Variants in ARL13B observed in about 807,000 individuals in gnomAD.
The protein encoded by ARL13B is ADP-ribosylation factor-like protein 13B.
A neutral mutation model predicts 56.1 loss-of-function variants in ARL13B; 36 were observed. The observed-to-expected ratio is 0.64, with a 90% CI of 0.49 to 0.85. The LOEUF (loss-of-function observed/expected upper bound fraction) is 0.85, where lower values mean the gene tolerates loss of function less well. ARL13B is among the 40% of genes least tolerant of loss of function. The probability of loss-of-function intolerance (pLI) is 0.00; values close to 1 mark genes in which losing one functional copy is unlikely to be tolerated. For synonymous variants in ARL13B, 178 were observed against 171.1 expected, an observed-to-expected ratio of 1.04 and a Z score of -0.32; for missense variants, 519 against 507.1, an observed-to-expected ratio of 1.02 and a Z score of -0.23.
chr3:94,029,349 ATTTTT>A (rs869211830), intron 3 of ARL13B, among the ~76,000 whole-genome samples: 1 of 88,074 alleles, frequency 1.1e-5, no homozygotes, highest in African/African-American at 4.2e-5. Flanking sequence ...TTTTTTTTTT[ATTTTT>A]TTTTTTTTTT....
intron 3 of ARL13B, among the ~76,000 whole-genome samples, chr3:94,020,643 T>C (rs2076427641): frequency 6.6e-6 from 1 of 152,208 alleles, no homozygotes; most frequent in African/African-American, 2.4e-5. Context: ...AGGTGTTTTA[T>C]AGATATTAAA....
intron 3 of ARL13B, among the ~76,000 whole-genome samples, chr3:94,020,732 A>G (rs377329961): frequency 5.9e-5 from 9 of 152,328 alleles, no homozygotes; most frequent in Admixed American, 5.2e-4. Context: ...CCGGTGGGAA[A>G]CATTTAAGAG....
intron 3 of ARL13B, among the ~76,000 whole-genome samples, chr3:94,027,747 A>G (rs1350758799): frequency 1.3e-5 from 2 of 152,008 alleles, no homozygotes; most frequent in African/African-American, 4.8e-5. Context: ...TATCAATTAA[A>G]TGCTAACACT....
rs1315475247 is a variant in ARL13B, at chr3:94,050,899, C to T, written c.1210+7C>T. On this transcript the variant is annotated splice_region_variant and intron_variant, in intron 9 of 9. Transcript: ENST00000394222. ...GGTGAAACACATCATAATGGTAATG[C>T]AAAAGGATTGGTTTTCAGATATCAT... 2 of 1,612,066 alleles carry T rather than the reference C, an allele frequency of 1.2e-6. No individual in the cohort carries two copies. Among genetic ancestry groups the T allele is most frequent in the African/African-American group, 2.7e-5 (2 of 74,876 alleles).
At chr3:94,024,166 G>T (rs139908093) in intron 3 of ARL13B, among the ~76,000 whole-genome samples, 1 of 151,994 alleles carries the variant, frequency 6.6e-6, no homozygotes. Context: ...AAAGGATCTC[G>T]CTCTTTTGTC....
intron 1 of ARL13B, chr3:93,988,990 G>C (rs1263941242): frequency 3.5e-6 from 1 of 282,716 alleles, no homozygotes; most frequent in Non-Finnish European, 6.9e-6. Flanking sequence ...GTGGGCCACG[G>C]AGCTGAGAGC....
rs184932202 is a variant in ARL13B, at chr3:94,007,547, C to T, written c.380+3639C>T. On this transcript the variant is annotated intron_variant, in intron 3 of 9. Coordinates refer to ENST00000394222, the MANE Select transcript of ARL13B (RefSeq NM_001174150.2). Reference sequence around the variant, plus strand: ...GGTGGGAGGCAAAAGGCACTTCTTACATGGTGGTGGCAAGAGAAAATGAGG... The same window carrying T: ...GGTGGGAGGCAAAAGGCACTTCTTATATGGTGGTGGCAAGAGAAAATGAGG... Among the ~76,000 whole-genome samples the T allele has an allele frequency of 5.2e-3, 797 of 152,224 alleles. 8 individuals are homozygous for T. The highest frequency in any genetic ancestry group is 8.3e-3 in the Non-Finnish European group (566 of 68,018).
At chr3:94,046,151 TA>T (rs1054566002) in intron 7 of ARL13B, among the ~76,000 whole-genome samples, 2 of 151,862 alleles carry the variant, frequency 1.3e-5, no homozygotes, top group Non-Finnish European at 2.9e-5. Flanking sequence ...CACATATTTA[TA>T]GTATAAAGAT....
At chr3:94,013,449 C>T (rs1004828782) in intron 3 of ARL13B, among the ~76,000 whole-genome samples, 12 of 152,292 alleles carry the variant, frequency 7.9e-5, no homozygotes, top group Non-Finnish European at 1.5e-4. Context: ...TTCAAGAATA[C>T]AGTTGCCTTT....
intron 2 of ARL13B, chr3:93,996,711 A>G (rs2075973705): frequency 2.5e-6 from 1 of 399,500 alleles, no homozygotes; most frequent in South Asian, 1.8e-5. Context: ...GCTTTGTGCT[A>G]CAATATAGCA....
chr3:93,981,946 A>G (rs1347907477), intron 1 of ARL13B, among the ~76,000 whole-genome samples: 1 of 150,486 alleles, frequency 6.6e-6, no homozygotes, highest in Non-Finnish European at 1.5e-5. Context: ...TGCTTTAATT[A>G]TATTCTGGTC....
intron 1 of ARL13B, 75 bp downstream of exon 1, chr3:93,980,557 T>A (rs1710161824): frequency 1.7e-5 from 27 of 1,575,412 alleles, no homozygotes; most frequent in Non-Finnish European, 2.3e-5. Context: ...GCGCCGCCTT[T>A]TCCCCGCGCC....
chr3:94,040,419 A>G (rs943652897), intron 6 of ARL13B, among the ~76,000 whole-genome samples: 3 of 152,190 alleles, frequency 2.0e-5, no homozygotes, highest in Non-Finnish European at 4.4e-5. Flanking sequence ...CAGGATACTT[A>G]AGGATGTTTG....
At chr3:94,013,657 G>C in intron 3 of ARL13B, among the ~76,000 whole-genome samples, 1 of 152,122 alleles carries the variant, frequency 6.6e-6, no homozygotes, top group East Asian at 1.9e-4. Context: ...TAAAAGATTT[G>C]ATAAAGGGCT....
At chr3:94,050,750 G>A (rs2077053843) in intron 8 of ARL13B, 74 bp from the exon 9 acceptor site, 1 of 1,253,350 alleles carries the variant, frequency 8.0e-7, no homozygotes, top group Admixed American at 1.8e-5. Flanking sequence ...TTCCTTTCCA[G>A]GGAGGGATCC....
intron 3 of ARL13B, among the ~76,000 whole-genome samples, chr3:94,013,665 G>T (rs755249219): frequency 1.3e-4 from 20 of 152,170 alleles, no homozygotes; most frequent in Non-Finnish European, 2.6e-4. Context: ...TTGATAAAGG[G>T]CTGGGCATGG....
chr3:93,998,146 T>C (rs1430367612), intron 2 of ARL13B, among the ~76,000 whole-genome samples: 1 of 152,198 alleles, frequency 6.6e-6, no homozygotes, highest in Non-Finnish European at 1.5e-5. Flanking sequence ...ATTCTTAGCT[T>C]GTGGGCCATA....
chr3:93,988,734 G>T, intron 1 of ARL13B: 1 of 444,182 alleles, frequency 2.3e-6, no homozygotes, highest in Non-Finnish European at 4.5e-6. Context: ...TAGTTTCTTG[G>T]TTAGCCACTT....
At chr3:94,052,066 T>C (rs1334932265) in intron 9 of ARL13B, among the ~76,000 whole-genome samples, 1 of 152,124 alleles carries the variant, frequency 6.6e-6, no homozygotes, top group Non-Finnish European at 1.5e-5. Flanking sequence ...TTTATTTCTT[T>C]ATTACACAAC....
Sources: gnomAD v4.1 joint callset for allele counts (sites outside exome capture counted in the v4.1 genomes callset) on GRCh38, gnomAD v4.1.1 for gene constraint, MANE v1.5 for transcripts, NCBI Gene and HGNC (gene_info 2026-07-23, HGNC 2026-07-21) for gene names.